CAPZA2: variants seen among roughly 807,000 people sequenced by gnomAD.
The protein encoded by CAPZA2 is capping actin protein of muscle Z-line subunit alpha 2, also known as F-actin-capping protein subunit alpha-2.
In CAPZA2, 13 loss-of-function variants were observed where a neutral mutation model predicts 44.0. The observed-to-expected ratio is 0.30, with a 90% CI of 0.19 to 0.47. The LOEUF (loss-of-function observed/expected upper bound fraction) is 0.47. Among genes scored for constraint, CAPZA2 ranks in the 20% least tolerant of loss-of-function variants. CAPZA2 has a pLI of 1.00. For synonymous variants in CAPZA2, 94 were observed against 108.2 expected (o/e 0.87, Z 0.81); for missense variants, 244 against 338.6 (o/e 0.72, Z 2.19).
chr7:116,892,494 A>G (rs1015434182), intron 2 of CAPZA2, among the ~76,000 whole-genome samples: 8 of 152,166 alleles, frequency 5.3e-5, no homozygotes, highest in African/African-American at 1.9e-4. Context: ...AGACTTTAAC[A>G]TACCATATTT....
intron 2 of CAPZA2, among the ~76,000 whole-genome samples, chr7:116,891,543 G>T (rs1312029225): frequency 6.6e-6 from 1 of 152,094 alleles, no homozygotes; most frequent in South Asian, 2.1e-4. Flanking sequence ...ATGGAGTCTC[G>T]CTCTGTTGCC....
intron 7 of CAPZA2, among the ~76,000 whole-genome samples, chr7:116,911,229 A>G (rs1791591498): frequency 6.6e-6 from 1 of 152,212 alleles, no homozygotes; most frequent in African/African-American, 2.4e-5. Context: ...TTCACAGTAC[A>G]GTCTTCAGCA....
At chr7:116,878,272 C>T (rs941603560) in intron 1 of CAPZA2, among the ~76,000 whole-genome samples, 7 of 152,118 alleles carry the variant, frequency 4.6e-5, no homozygotes, top group African/African-American at 1.7e-4. Context: ...TATTTTGTTC[C>T]TCACAAAAGA....
rs1158910446 is a variant in CAPZA2 at position 116,884,131 on chromosome 7, T to C, written c.40-3996T>C. On this transcript the variant is annotated intron_variant, in intron 1 of 9. Transcript: ENST00000361183. ...TCCAGTGTATGTTTGGCATGCACAA[T>C]GGCCTATACCCTACTCTCTCCTTGC... Among the ~76,000 whole-genome samples the C allele has an allele frequency of 2.6e-5, 4 of 152,328 alleles. No individual in the cohort carries two copies. In the South Asian group the frequency reaches 8.3e-4, roughly 32 times the overall value.
intron 6 of CAPZA2, 146 bp from the exon 7 acceptor site, chr7:116,910,087 T>G (rs1418880757): frequency 4.5e-6 from 3 of 666,154 alleles, no homozygotes; most frequent in Non-Finnish European, 8.3e-6. Context: ...TTGATTATTT[T>G]TGACTATTTC....
At position 116,862,610 on chromosome 7, in the gene CAPZA2, A is replaced by G. The variant is rs1235171750; in HGVS notation, c.-2A>G. ...CCGCCGCGGTTTGTCGCCAGAAGGA[A>G]GATGGCGGATCTGGAGGAGCAGTTG... is the stretch of plus-strand genomic sequence containing the variant. On this transcript the variant is annotated 5_prime_UTR_variant, in exon 1 of 10. Transcript: ENST00000361183. 3 of 1,538,614 alleles carry G rather than the reference A, an allele frequency of 1.9e-6. No homozygotes were observed. The South Asian group carries it at 3.6e-5, about 18-fold the overall frequency.
At chr7:116,866,585 A>C (rs535198853) in intron 1 of CAPZA2, among the ~76,000 whole-genome samples, 1 of 152,200 alleles carries the variant, frequency 6.6e-6, no homozygotes, top group Admixed American at 6.5e-5. Context: ...AAATTGTATG[A>C]AATTATGGTG....
At chr7:116,863,437 G>A (rs1411573913) in intron 1 of CAPZA2, among the ~76,000 whole-genome samples, 1 of 152,190 alleles carries the variant, frequency 6.6e-6, no homozygotes, top group Non-Finnish European at 1.5e-5. Flanking sequence ...TCCGAAGAGG[G>A]GAAAATGTGC....
chr7:116,898,805 T>C lies in CAPZA2; in HGVS notation c.189T>C (p.Thr63=). 1 of 1,599,974 alleles carries C rather than the reference T, an allele frequency of 6.3e-7. No homozygotes were observed. The highest frequency in any genetic ancestry group is 8.5e-7 in the Non-Finnish European group (1 of 1,169,994). The change falls in exon 4 of 10, where the codon ACT becomes ACC. Residue 63 remains threonine, a synonymous_variant. Transcript: ENST00000361183. ...CACAGTATAACTTGGACCAGTTTAC[T>C]CCAGTAAAAATTGAAGGTTATGAAG... ...AFAQYNLDQF[T]PVKIEGYEDQ... is the part of the protein sequence containing the mutation.
In CAPZA2 at chr7:116,917,975, A is replaced by C. The variant is rs1791703461; in HGVS notation, c.*108A>C. On this transcript the variant is annotated 3_prime_UTR_variant, in exon 10 of 10. Transcript: ENST00000361183. ...CAGTCAGATGGGCTGTTGCCATTTA[A>C]AATCACTGTAATTAATTAGTTTGAT... The C allele has an allele frequency of 1.0e-5, 8 of 762,018 alleles. No homozygotes were observed. The highest frequency in any genetic ancestry group is 1.8e-5 in the Non-Finnish European group (8 of 456,158). The allele number at this position is 762,018 out of a possible 1,614,324, so 47.2% of individuals were successfully genotyped here. A position where few individuals can be genotyped will look rare whatever the true frequency, so the allele number is the denominator to read the frequency against.
chr7:116,903,487 G>A (rs933143976), intron 4 of CAPZA2, among the ~76,000 whole-genome samples: 5 of 151,982 alleles, frequency 3.3e-5, no homozygotes, highest in African/African-American at 1.2e-4. Context: ...TATATCAGAG[G>A]GATGGATAAG....
intron 1 of CAPZA2, among the ~76,000 whole-genome samples, chr7:116,883,296 G>A (rs1331263990): frequency 6.7e-6 from 1 of 149,998 alleles, no homozygotes; most frequent in South Asian, 2.1e-4. Flanking sequence ...TTTCTTTTTT[G>A]CATTTAGAAA....
chr7:116,885,481 A>C (rs941709730), intron 1 of CAPZA2, among the ~76,000 whole-genome samples: 2 of 152,086 alleles, frequency 1.3e-5, no homozygotes, highest in African/African-American at 4.8e-5. Context: ...ATTTAACTCC[A>C]ATACCATCTA....
intron 9 of CAPZA2, among the ~76,000 whole-genome samples, chr7:116,917,336 G>A (rs1473708466): frequency 6.6e-6 from 1 of 152,144 alleles, no homozygotes; most frequent in Non-Finnish European, 1.5e-5. Context: ...CTCACTGCAA[G>A]CTCCGCCTTC....
rs995079956 is a variant in CAPZA2, at chr7:116,879,139, A to G, written c.40-8988A>G. Among the ~76,000 whole-genome samples, 23 of 151,066 alleles carry G rather than the reference A, an allele frequency of 1.5e-4. No homozygotes were observed. In the East Asian group the frequency reaches 4.3e-3, roughly 28 times the overall value. ...AACTCTGTCTCAAAAAAAAAAAAAA[A>G]AAAAAAAAAAGAAAAGAATACTGGG... On this transcript the variant is annotated intron_variant, in intron 1 of 9. Transcript: ENST00000361183.
intron 1 of CAPZA2, chr7:116,886,186 T>G (rs1796759803): frequency 6.5e-6 from 1 of 154,842 alleles, no homozygotes; most frequent in Non-Finnish European, 1.5e-5. Flanking sequence ...TTCTATGAGC[T>G]AGTTACTATT....
chr7:116,862,767 C>T lies in CAPZA2; in HGVS notation c.39+117C>T, dbSNP rs140352106. The T allele has an allele frequency of 3.7e-3, 4,311 of 1,163,048 alleles. 33 individuals carry two copies. Among genetic ancestry groups the T allele is most frequent in the African/African-American group, 0.029 (1,835 of 62,528 alleles). The allele number at this position is 1,163,048 out of a possible 1,614,324, so 72.0% of individuals were successfully genotyped here. ...GGCCCGCAGCTGGCCTTGCCCTCGG[C>T]TGCCCTTCCTCCCCCATCCTTACTG... On this transcript the variant is annotated intron_variant, in intron 1 of 9. Transcript: ENST00000361183.
At chr7:116,910,031 T>C (rs923174289) in intron 6 of CAPZA2, 1 of 548,592 alleles carries the variant, frequency 1.8e-6, no homozygotes, top group Non-Finnish European at 3.3e-6. Context: ...TTCTTTCTTA[T>C]CAGTAGGGTG....
intron 1 of CAPZA2, among the ~76,000 whole-genome samples, chr7:116,865,174 CTTCTTTTTTTTTTTTTT>C (rs1292031291): frequency 4.1e-5 from 5 of 122,086 alleles, no homozygotes; most frequent in African/African-American, 1.7e-4. Context: ...TATGCGCTCT[CTTCTTTTTTTTTTTTTT>C]TTTTTTTTTT....
Sources: allele counts gnomAD v4.1 joint callset (sites outside exome capture counted in the v4.1 genomes callset), GRCh38; gene constraint gnomAD v4.1.1; transcripts MANE v1.5; gene names NCBI Gene and HGNC (gene_info 2026-07-23, HGNC 2026-07-21).